The following TANC2 variants were observed in gnomAD, a reference collection of about 807,000 sequenced individuals.
TANC2 encodes the protein protein TANC2.
Under a neutral mutation model 210.5 loss-of-function variants are expected in TANC2, and 26 were observed. The observed-to-expected ratio is 0.12, with a 90% CI of 0.09 to 0.17. The LOEUF (loss-of-function observed/expected upper bound fraction) is 0.17, where lower values mean the gene tolerates loss of function less well. Among genes scored for constraint, TANC2 ranks in the 10% least tolerant of loss-of-function variants. The pLI is 1.00. For missense variants in TANC2, 2,129 were observed against 2,608.9 expected (o/e 0.82, Z 4.01); for synonymous variants, 931 against 967.1 (o/e 0.96, Z 0.69).
chr17:63,161,315 T>C (rs1598497843), intron 5 of TANC2, among the ~76,000 whole-genome samples: 1 of 152,190 alleles, frequency 6.6e-6, no homozygotes, highest in Admixed American at 6.5e-5. Flanking sequence ...TGAGCCGATA[T>C]CAAGCCACTG....
intron 7 of TANC2, among the ~76,000 whole-genome samples, chr17:63,221,960 C>CA (rs1274084254): frequency 6.6e-6 from 1 of 152,160 alleles, no homozygotes; most frequent in Non-Finnish European, 1.5e-5. Flanking sequence ...ATATTCAGAG[C>CA]AGCTTTATTC....
At chr17:63,216,706 G>A (rs1373117038) in intron 7 of TANC2, among the ~76,000 whole-genome samples, 4 of 152,144 alleles carry the variant, frequency 2.6e-5, no homozygotes. Context: ...TTGTTGGGTG[G>A]CAGCAAAAAC....
At chr17:63,083,119 G>A (rs77380279) in intron 3 of TANC2, among the ~76,000 whole-genome samples, 108 of 152,302 alleles carry the variant, frequency 7.1e-4, no homozygotes, top group African/African-American at 2.5e-3. Context: ...TTCTGCCACA[G>A]GGAGGGCTTC....
At chr17:62,993,392 T>C (rs1001884153) in intron 1 of TANC2, among the ~76,000 whole-genome samples, 4 of 152,236 alleles carry the variant, frequency 2.6e-5, no homozygotes, top group African/African-American at 9.6e-5. Context: ...AAGTATTTTG[T>C]TGAATCTACA....
intron 8 of TANC2, among the ~76,000 whole-genome samples, chr17:63,238,691 A>G (rs1399818229): frequency 5.9e-5 from 9 of 152,236 alleles, no homozygotes; most frequent in Admixed American, 2.0e-4. Context: ...TCACACTGCT[A>G]TAAAGATACT....
At chr17:63,271,620 C>T (rs117140195) in intron 9 of TANC2, among the ~76,000 whole-genome samples, 21,585 of 149,640 alleles carry the variant, frequency 0.14, 1,972 homozygotes, top group Middle Eastern at 0.22. Context: ...CCCCCCCATC[C>T]CCCAACAGGC....
intron 5 of TANC2, 87 bp downstream of exon 5, chr17:63,151,467 C>G (rs2039651220): frequency 1.8e-6 from 1 of 549,768 alleles, no homozygotes; most frequent in Non-Finnish European, 2.3e-6. Flanking sequence ...ATGTATACTA[C>G]TCATAAAAAC....
At chr17:63,406,362 A>T in intron 21 of TANC2, 85 bp downstream of exon 21, 1 of 1,572,902 alleles carries the variant, frequency 6.4e-7, no homozygotes, top group Admixed American at 1.7e-5. Context: ...ATCCCAGGAG[A>T]TGCTAAGAAC....
intron 8 of TANC2, among the ~76,000 whole-genome samples, chr17:63,267,429 T>C (rs911420283): frequency 8.5e-5 from 13 of 152,090 alleles, no homozygotes; most frequent in African/African-American, 3.1e-4. Flanking sequence ...AGGGTTTATG[T>C]TTATTTGCTT....
intron 13 of TANC2, among the ~76,000 whole-genome samples, chr17:63,352,537 AAACCTCCAGG>A (rs946574814): frequency 3.3e-5 from 5 of 152,180 alleles, no homozygotes; most frequent in African/African-American, 1.2e-4. Context: ...TGAATGAAAG[AAACCTCCAGG>A]AATGTAATCT....
intron 2 of TANC2, among the ~76,000 whole-genome samples, chr17:63,019,819 GTA>G (rs1375474266): frequency 1.3e-4 from 2 of 15,622 alleles, no homozygotes; most frequent in East Asian, 0.011. Context: ...TCAATTGGAT[GTA>G]TGTGTGTGTG....
chr17:63,285,511 C>T (rs1567882130), intron 9 of TANC2, among the ~76,000 whole-genome samples: 3 of 152,090 alleles, frequency 2.0e-5, no homozygotes, highest in Non-Finnish European at 4.4e-5. Flanking sequence ...CCTCAGTTCA[C>T]GGATTCCCTG....
At chr17:63,007,988 G>GTTT (rs56950914) in intron 1 of TANC2, among the ~76,000 whole-genome samples, 3 of 118,300 alleles carry the variant, frequency 2.5e-5, no homozygotes, top group Non-Finnish European at 5.3e-5. Context: ...ATTGGCGCCA[G>GTTT]TTTTTTTTTT....
chr17:63,129,247 T>A (rs1230903271), intron 4 of TANC2, among the ~76,000 whole-genome samples: 1 of 152,102 alleles, frequency 6.6e-6, no homozygotes, highest in Admixed American at 6.6e-5. Context: ...CAAGCAGACC[T>A]CCTGCCTCGG....
In TANC2 at chr17:63,087,790, A is replaced by G. The variant is rs955024332; in HGVS notation, c.140-11385A>G. On this transcript the variant is annotated intron_variant, in intron 3 of 27. Coordinates refer to ENST00000689528, the Ensembl canonical transcript of TANC2. The stretch of plus-strand genomic sequence containing the variant: ...CATCAACTACAGTTCAGGTTTTCCT[A>G]CTTCTGTATTGGTTCCCACTGAGGT... Among the ~76,000 whole-genome samples the G allele has an allele frequency of 1.2e-4, 19 of 152,196 alleles. No homozygotes were observed. In the East Asian group the frequency reaches 2.3e-3, roughly 19 times the overall value.
intron 10 of TANC2, among the ~76,000 whole-genome samples, chr17:63,316,969 T>TA (rs1305723721): frequency 6.6e-6 from 1 of 151,102 alleles, no homozygotes; most frequent in Non-Finnish European, 1.5e-5. Flanking sequence ...AGTTATTATA[T>TA]TAAACTTAAT....
At chr17:63,404,569 T>G (rs1369813542) in intron 19 of TANC2, among the ~76,000 whole-genome samples, 1 of 152,192 alleles carries the variant, frequency 6.6e-6, no homozygotes, top group Non-Finnish European at 1.5e-5. Flanking sequence ...TGATTGCAAA[T>G]GTACCAGAAA....
At chr17:63,099,399 T>C in intron 4 of TANC2, 42 bp downstream of exon 4, 1 of 1,403,148 alleles carries the variant, frequency 7.1e-7, no homozygotes, top group Non-Finnish European at 9.5e-7. Flanking sequence ...ACAGGAAACC[T>C]AACGATATGA....
chr17:63,170,475 T>A (rs908406302), intron 5 of TANC2, among the ~76,000 whole-genome samples: 4 of 151,990 alleles, frequency 2.6e-5, no homozygotes, highest in African/African-American at 9.6e-5. Context: ...TTTGTTCAGT[T>A]GTTATTAGTT....
Sources: gnomAD v4.1 joint callset for allele counts (sites outside exome capture counted in the v4.1 genomes callset) on GRCh38, gnomAD v4.1.1 for gene constraint, MANE v1.5 for transcripts, NCBI Gene and HGNC (gene_info 2026-07-23, HGNC 2026-07-21) for gene names.